SHLD1: variants seen among roughly 807,000 people sequenced by gnomAD.
SHLD1 encodes RINN1-REV7-interacting novel NHEJ regulator 3.
In SHLD1, 3 loss-of-function variants were observed where a neutral mutation model predicts 5.5. That is an observed-to-expected ratio of 0.54 (90% CI 0.25 to 1.40). The LOEUF (loss-of-function observed/expected upper bound fraction) is 1.40, where lower values mean the gene tolerates loss of function less well. Ranked by LOEUF, SHLD1 falls within the 40% of genes most tolerant of loss-of-function variation. The pLI is 0.15. For missense variants in SHLD1, 210 were observed against 244.4 expected (o/e 0.86, Z 0.94); for synonymous variants, 92 against 94.3 (o/e 0.98, Z 0.14).
At chr20:5,817,980 C>T (rs1267419185) in intron 2 of SHLD1, among the ~76,000 whole-genome samples, 1 of 152,242 alleles carries the variant, frequency 6.6e-6, no homozygotes, top group Non-Finnish European at 1.5e-5. Flanking sequence ...CGTCCCTTCT[C>T]TCAGTGATCA....
chr20:5,777,857 G>A (rs1985502112), intron 2 of SHLD1, among the ~76,000 whole-genome samples: 1 of 152,094 alleles, frequency 6.6e-6, no homozygotes. Flanking sequence ...TAACTTGATA[G>A]AACAAACACT....
intron 2 of SHLD1, among the ~76,000 whole-genome samples, chr20:5,842,092 A>G (rs972276456): frequency 6.6e-5 from 10 of 152,342 alleles, no homozygotes; most frequent in African/African-American, 1.9e-4. Flanking sequence ...GAAACAAAAT[A>G]TAGAGTGGAG....
At chr20:5,801,501 C>T (rs903665053) in intron 2 of SHLD1, among the ~76,000 whole-genome samples, 1 of 152,174 alleles carries the variant, frequency 6.6e-6, no homozygotes, top group Non-Finnish European at 1.5e-5. Context: ...ACTCACAGTT[C>T]ATTGCTCAGG....
intron 1 of SHLD1, among the ~76,000 whole-genome samples, chr20:5,762,728 A>G (rs1984534273): frequency 2.6e-5 from 4 of 151,996 alleles, no homozygotes; most frequent in Non-Finnish European, 5.9e-5. Flanking sequence ...TAATCCCAGC[A>G]CTTTGGGAGA....
chr20:5,860,355 A>G (rs1039219611), intron 2 of SHLD1, among the ~76,000 whole-genome samples: 5 of 152,182 alleles, frequency 3.3e-5, no homozygotes, highest in Non-Finnish European at 7.3e-5. Context: ...TTTTTACAAC[A>G]ATTTTTTAAA....
At chr20:5,750,314 C>T (rs960949317), upstream of SHLD1, 7 of 152,124 alleles carry the variant, frequency 4.6e-5, no homozygotes, top group African/African-American at 1.7e-4. Context: ...GCTTCCATTG[C>T]CCTTCACTGC....
intron 2 of SHLD1, among the ~76,000 whole-genome samples, chr20:5,821,403 C>T (rs559099395): frequency 3.2e-4 from 48 of 152,254 alleles, no homozygotes; most frequent in African/African-American, 1.2e-3. Context: ...ATCCCAGCTG[C>T]TCAGGAGGTT....
intron 2 of SHLD1, among the ~76,000 whole-genome samples, chr20:5,862,630 T>G (rs551101524): frequency 6.6e-6 from 1 of 152,354 alleles, no homozygotes; most frequent in African/African-American, 2.4e-5. Context: ...GATCTATTGG[T>G]GACAAAGTTA....
intron 2 of SHLD1, among the ~76,000 whole-genome samples, chr20:5,784,502 G>A (rs553488224): frequency 6.6e-6 from 1 of 151,790 alleles, no homozygotes; most frequent in Non-Finnish European, 1.5e-5. Context: ...CCAGGCTGGA[G>A]TGCAGTGGCG....
chr20:5,759,782 C>A (rs192956019), intron 1 of SHLD1, among the ~76,000 whole-genome samples: 90 of 152,232 alleles, frequency 5.9e-4, no homozygotes, highest in African/African-American at 2.1e-3. Flanking sequence ...CTCAAGCAAT[C>A]TACCTGCCTT....
At chr20:5,829,017 G>A (rs1220394369) in intron 2 of SHLD1, among the ~76,000 whole-genome samples, 1 of 152,128 alleles carries the variant, frequency 6.6e-6, no homozygotes, top group Non-Finnish European at 1.5e-5. Context: ...GAGACTACAG[G>A]CATGCACCAC....
At position 5,817,432 on chromosome 20, in the gene SHLD1, C is replaced by CTGTGTGTG. The variant is rs1190340129; in HGVS notation, c.178+44423_178+44430dup. Among the ~76,000 whole-genome samples, 269 of 85,656 alleles carry CTGTGTGTG rather than the reference C, an allele frequency of 3.1e-3. 6 individuals are homozygous for CTGTGTGTG. The highest frequency in any genetic ancestry group is 0.013 in the African/African-American group (234 of 17,994). The allele number at this position is 85,656 out of a possible 152,430, so 56.2% of individuals were successfully genotyped here. Reference sequence around the variant, plus strand: ...TCTCTCTCTCTCTCTCTCTCTCTCTCTGTGTGTGTGTGTGTGTGTGTGTGT... The same window carrying CTGTGTGTG: ...TCTCTCTCTCTCTCTCTCTCTCTCTCTGTGTGTGTGTGTGTGTGTGTGTGTGTGTGTGT... On this transcript the variant is annotated intron_variant, in intron 2 of 2. Coordinates refer to ENST00000303142, the MANE Select transcript of SHLD1 (RefSeq NM_152504.4).
chr20:5,776,765 AAAT>A, intron 2 of SHLD1, among the ~76,000 whole-genome samples: 1 of 152,068 alleles, frequency 6.6e-6, no homozygotes, highest in South Asian at 2.1e-4. Context: ...TCCGACTCAA[AAAT>A]AATAATAATA....
chr20:5,762,445 C>G (rs548311797), intron 1 of SHLD1, among the ~76,000 whole-genome samples: 3 of 152,240 alleles, frequency 2.0e-5, no homozygotes, highest in East Asian at 3.9e-4. Context: ...CAGCCATACT[C>G]TCTGAGTGGG....
intron 2 of SHLD1, among the ~76,000 whole-genome samples, chr20:5,775,586 G>A (rs1478232982): frequency 6.6e-6 from 1 of 152,134 alleles, no homozygotes; most frequent in Non-Finnish European, 1.5e-5. Flanking sequence ...GGTTGTTTGG[G>A]GAACCCATGT....
At chr20:5,752,615 G>GTTTT (rs776510495) in intron 1 of SHLD1, among the ~76,000 whole-genome samples, 64 of 120,610 alleles carry the variant, frequency 5.3e-4, no homozygotes, top group African/African-American at 1.9e-3. Flanking sequence ...ATATTTTGGG[G>GTTTT]TTTTTTTTTT....
chr20:5,797,913 G>A (rs1466275825), intron 2 of SHLD1, among the ~76,000 whole-genome samples: 7 of 152,172 alleles, frequency 4.6e-5, no homozygotes, highest in Admixed American at 3.3e-4. Context: ...GTCATCAACA[G>A]CAGTTGAATC....
intron 1 of SHLD1, among the ~76,000 whole-genome samples, chr20:5,764,133 A>ATATATATAT (rs1374831062): frequency 3.4e-5 from 3 of 87,328 alleles, no homozygotes; most frequent in African/African-American, 1.7e-4. Context: ...TCTCAAAAAA[A>ATATATATAT]AAAAAAATAT....
intron 2 of SHLD1, among the ~76,000 whole-genome samples, chr20:5,830,464 A>G (rs2087715044): frequency 6.6e-6 from 1 of 151,858 alleles, no homozygotes. Flanking sequence ...CAGATCACCT[A>G]AGGTCGGGAG....
Sources: gnomAD v4.1 joint callset for allele counts (sites outside exome capture counted in the v4.1 genomes callset) on GRCh38, gnomAD v4.1.1 for gene constraint, MANE v1.5 for transcripts, NCBI Gene and HGNC (gene_info 2026-07-23, HGNC 2026-07-21) for gene names.